BICD2: variants seen among roughly 807,000 people sequenced by gnomAD.
BICD2 encodes BICD cargo adaptor 2, also known as protein bicaudal D homolog 2.
A neutral mutation model predicts 72.9 loss-of-function variants in BICD2; 25 were observed. The ratio of observed to expected loss-of-function variants is 0.34; its 90% CI spans 0.25 to 0.48. The LOEUF (loss-of-function observed/expected upper bound fraction) is 0.48, where lower values mean the gene tolerates loss of function less well. BICD2 is among the 20% of genes least tolerant of loss of function. BICD2 has a pLI of 0.99. For missense variants in BICD2, 894 were observed against 1,175.2 expected, an observed-to-expected ratio of 0.76 and a Z score of 3.50; for synonymous variants, 501 against 516.1, an observed-to-expected ratio of 0.97 and a Z score of 0.40.
At chr9:92,753,576 T>C (rs1341604850) in intron 1 of BICD2, among the ~76,000 whole-genome samples, 1 of 152,068 alleles carries the variant, frequency 6.6e-6, no homozygotes, top group Non-Finnish European at 1.5e-5. Context: ...TCTTGCTCTG[T>C]CGCCCAGGCT....
intron 1 of BICD2, among the ~76,000 whole-genome samples, chr9:92,734,717 G>A (rs1587679129): frequency 1.3e-5 from 2 of 152,068 alleles, no homozygotes; most frequent in East Asian, 3.9e-4. Context: ...GCCAGCCGTG[G>A]GCTTGTCCTT....
intron 1 of BICD2, among the ~76,000 whole-genome samples, chr9:92,733,931 C>A (rs1853725864): frequency 6.6e-6 from 1 of 151,874 alleles, no homozygotes. Flanking sequence ...CGTGCCACTG[C>A]ACTCCAGCCT....
At chr9:92,744,926 C>T (rs2131525290) in intron 1 of BICD2, among the ~76,000 whole-genome samples, 1 of 152,246 alleles carries the variant, frequency 6.6e-6, no homozygotes, top group South Asian at 2.1e-4. Context: ...CACACATGCA[C>T]TTAAAATCTA....
At chr9:92,730,125 C>G (rs1418238358) in intron 1 of BICD2, among the ~76,000 whole-genome samples, 1 of 152,196 alleles carries the variant, frequency 6.6e-6, no homozygotes, top group African/African-American at 2.4e-5. Context: ...GCTGGCGTGG[C>G]AGGACAGGGC....
At chr9:92,738,486 C>T (rs937650181) in intron 1 of BICD2, among the ~76,000 whole-genome samples, 2 of 152,150 alleles carry the variant, frequency 1.3e-5, no homozygotes, top group Non-Finnish European at 2.9e-5. Context: ...ATTACAGTTT[C>T]CTCAGCTACA....
intron 1 of BICD2, among the ~76,000 whole-genome samples, chr9:92,730,142 G>C (rs1305448045): frequency 6.6e-6 from 1 of 152,196 alleles, no homozygotes; most frequent in East Asian, 1.9e-4. Flanking sequence ...GGGCTTCCAT[G>C]GGTAGAGGGC....
At chr9:92,727,456 A>C (rs561404364) in intron 2 of BICD2, among the ~76,000 whole-genome samples, 38 of 152,190 alleles carry the variant, frequency 2.5e-4, no homozygotes, top group Non-Finnish European at 4.4e-4. Context: ...CCAGGACTAA[A>C]GATAAGGCCT....
At chr9:92,736,065 C>T (rs1178065360) in intron 1 of BICD2, among the ~76,000 whole-genome samples, 2 of 152,222 alleles carry the variant, frequency 1.3e-5, no homozygotes, top group African/African-American at 4.8e-5. Context: ...TAAAATGAGG[C>T]TGAGATCTAC....
intron 1 of BICD2, among the ~76,000 whole-genome samples, chr9:92,756,259 A>C (rs1587691281): frequency 1.5e-5 from 2 of 135,898 alleles, no homozygotes; most frequent in Non-Finnish European, 3.2e-5. Context: ...CACCCTGGCT[A>C]CTTTTTTTTT....
chr9:92,747,647 A>C (rs1854042009), intron 1 of BICD2, among the ~76,000 whole-genome samples: 1 of 152,174 alleles, frequency 6.6e-6, no homozygotes, highest in African/African-American at 2.4e-5. Flanking sequence ...TGATGCTGAG[A>C]AATAGCTCAG....
At position 92,718,797 on chromosome 9, in the gene BICD2, G is replaced by A. The variant is rs1449043722; in HGVS notation, c.1848C>T (p.Pro616=). The change falls in exon 5 of 7, where the codon CCC becomes CCT. Residue 616 remains proline (P), a synonymous_variant. Coordinates refer to ENST00000356884, the MANE Select transcript of BICD2 (RefSeq NM_001003800.2). ...TGGGCTCCCGGCGTGGGTCACTCAG[G>A]GGTGATGGCAGTGAGGAGCCAGGCG... ...SPSPGSSLPS[P]LSDPRREPMN... The A allele has an allele frequency of 2.5e-6, 4 of 1,613,610 alleles. No homozygotes were observed. The highest frequency in any genetic ancestry group is 2.5e-6 in the Non-Finnish European group (3 of 1,179,914).
chr9:92,718,913 G>C lies in BICD2; in HGVS notation c.1732C>G (p.Arg578Gly), dbSNP rs541558181. The C allele has an allele frequency of 5.0e-6, 8 of 1,604,036 alleles. No homozygotes were observed. The highest frequency in any genetic ancestry group is 6.8e-6 in the Non-Finnish European group (8 of 1,176,682). Residue 578 changes from arginine to glycine, a missense_variant, in exon 5 of 7, where the codon CGT becomes GGT. By Grantham distance (125) the Arg-to-Gly change is moderately radical (BLOSUM62 -2). Coordinates refer to ENST00000356884, the MANE Select transcript of BICD2 (RefSeq NM_001003800.2). ...AGGAGGATGGGTGAGCGCCGGCCACGCGCCTCGGGGCTGGTGCGGCCCCCG... is the reference window on the plus strand; with the variant it reads ...AGGAGGATGGGTGAGCGCCGGCCACCCGCCTCGGGGCTGGTGCGGCCCCCG... ...SPGGRTSPEA[R>G]GRRSPILLPK... is the part of the protein sequence containing the mutation.
chr9:92,720,513 G>C lies in BICD2; in HGVS notation c.849C>G (p.Leu283=), dbSNP rs757409146. The C allele has an allele frequency of 3.9e-5, 63 of 1,614,080 alleles. No individual in the cohort carries two copies. The highest frequency in any genetic ancestry group is 4.8e-5 in the Non-Finnish European group (57 of 1,180,040). The change falls in exon 4 of 7, where the codon CTC becomes CTG. Residue 283 remains leucine, a synonymous_variant. Transcript: ENST00000356884. The surrounding 1 kb of genome is among the most constrained non-coding windows in gnomAD (Gnocchi z 5.4). ...GCTCGGCAGCATCGTCACTGAACTTGAGGCCATCCAGCGAGACATGCAGGT... is the reference window on the plus strand; with the variant it reads ...GCTCGGCAGCATCGTCACTGAACTTCAGGCCATCCAGCGAGACATGCAGGT... ...TSHLHVSLDG[L]KFSDDAAEPN...
At chr9:92,735,776 G>A (rs114706418) in intron 1 of BICD2, among the ~76,000 whole-genome samples, 1 of 152,214 alleles carries the variant, frequency 6.6e-6, no homozygotes, top group African/African-American at 2.4e-5. Flanking sequence ...TGCTGTTCAC[G>A]GGCACACAGC....
chr9:92,746,585 C>T (rs920112331), intron 1 of BICD2, among the ~76,000 whole-genome samples: 1 of 151,870 alleles, frequency 6.6e-6, no homozygotes, highest in Non-Finnish European at 1.5e-5. Flanking sequence ...CATGTCCACG[C>T]CAAGTATGGT....
intron 1 of BICD2, among the ~76,000 whole-genome samples, chr9:92,756,636 G>A (rs1250829453): frequency 6.6e-6 from 1 of 151,092 alleles, no homozygotes. Flanking sequence ...ACTTTGGGAG[G>A]CCGAGGCAGG....
chr9:92,753,261 A>C (rs1854186665), intron 1 of BICD2, among the ~76,000 whole-genome samples: 1 of 152,208 alleles, frequency 6.6e-6, no homozygotes, highest in Admixed American at 6.5e-5. Flanking sequence ...ACAACAACTA[A>C]ATGTAATGTG....
At chr9:92,741,742 AAGGAGAAGGC>A (rs1193229099) in intron 1 of BICD2, among the ~76,000 whole-genome samples, 3 of 152,218 alleles carry the variant, frequency 2.0e-5, no homozygotes, top group African/African-American at 7.2e-5. Flanking sequence ...CTCCCCTTAA[AAGGAGAAGGC>A]AGGACTACAC....
chr9:92,718,970 C>T lies in BICD2; in HGVS notation c.1675G>A (p.Glu559Lys), dbSNP rs759941912. The part of the protein sequence containing the change: ...PNRVMLDYYR[E>K]GQGGAGRTSP... Reference sequence around the variant, plus strand: ...GTGCGGCCGGCCCCGCCCTGGCCCTCGCGGTAGTAGTCCAGCATGACACGG... The same window carrying T: ...GTGCGGCCGGCCCCGCCCTGGCCCTTGCGGTAGTAGTCCAGCATGACACGG... Residue 559 changes from glutamate to lysine, a missense_variant, in exon 5 of 7, where the codon GAG (glutamate) becomes AAG (lysine). Coordinates refer to ENST00000356884, the MANE Select transcript of BICD2 (RefSeq NM_001003800.2). The T allele has an allele frequency of 1.9e-5, 30 of 1,610,412 alleles. No homozygotes were observed. Among genetic ancestry groups the T allele is most frequent in the South Asian group, 3.3e-5 (3 of 91,050 alleles).
Sources: gnomAD v4.1 joint callset for allele counts (sites outside exome capture counted in the v4.1 genomes callset) on GRCh38, gnomAD v4.1.1 for gene constraint, Gnocchi (gnomAD v3.1) non-coding constraint, MANE v1.5 for transcripts, NCBI Gene and HGNC (gene_info 2026-07-23, HGNC 2026-07-21) for gene names.